The following MAP7 variants were observed in gnomAD, a reference collection of about 807,000 sequenced individuals.
MAP7 encodes the protein microtubule associated protein 7.
MAP7 carries 52 observed loss-of-function variants against 94.8 expected under a neutral mutation model. The observed-to-expected ratio is 0.55, with a 90% CI of 0.44 to 0.69. The LOEUF (loss-of-function observed/expected upper bound fraction) is 0.69. Among genes scored for constraint, MAP7 ranks in the 30% least tolerant of loss-of-function variants. The pLI, the probability that MAP7 is intolerant of heterozygous loss-of-function variation, is 0.00. For missense variants in MAP7, 940 were observed against 964.6 expected, an observed-to-expected ratio of 0.97 and a Z score of 0.34; for synonymous variants, 350 against 357.0, an observed-to-expected ratio of 0.98 and a Z score of 0.22.
chr6:136,389,233 A>G, intron 4 of MAP7, 121 bp downstream of exon 4: 1 of 1,428,098 alleles, frequency 7.0e-7, no homozygotes, highest in Non-Finnish European at 9.2e-7. Context: ...CCATCTGTAA[A>G]GCTGATCACT....
chr6:136,385,395 G>A (rs1778928489), intron 5 of MAP7, among the ~76,000 whole-genome samples: 1 of 152,182 alleles, frequency 6.6e-6, no homozygotes, highest in South Asian at 2.1e-4. Context: ...GACATGTGAG[G>A]TACAGGGTAG....
At chr6:136,493,315 G>T (rs1227235209) in intron 1 of MAP7, among the ~76,000 whole-genome samples, 7 of 152,084 alleles carry the variant, frequency 4.6e-5, no homozygotes, top group Non-Finnish European at 7.4e-5. Context: ...AAGAGACGGG[G>T]TTTCTCCATG....
At chr6:136,537,844 A>ATGGCACAATCT (rs1199274492) in intron 1 of MAP7, among the ~76,000 whole-genome samples, 3 of 151,482 alleles carry the variant, frequency 2.0e-5, no homozygotes, top group Non-Finnish European at 4.4e-5. Flanking sequence ...CTGGAGTGCA[A>ATGGCACAATCT]TGGCACAATC....
Position 136,362,721 on chromosome 6 carries a change from G to A in MAP7, c.1274-19C>T. The A allele has an allele frequency of 6.5e-7, 1 of 1,537,580 alleles. No homozygotes were observed. Among genetic ancestry groups the A allele is most frequent in the African/African-American group, 1.4e-5 (1 of 72,378 alleles). On this transcript the variant is annotated intron_variant, in intron 10 of 17. Transcript: ENST00000354570. ...GGAGCAGCTGCACAAATAGGTACAA[G>A]GAGAAAACCAGTTGGAAACAAAATC... is the stretch of plus-strand genomic sequence containing the variant.
intron 2 of MAP7, among the ~76,000 whole-genome samples, chr6:136,414,966 C>T (rs908306501): frequency 6.6e-6 from 1 of 151,824 alleles, no homozygotes; most frequent in African/African-American, 2.4e-5. Context: ...AGGCATGCGC[C>T]ACCAGGCCCA....
chr6:136,422,094 C>T (rs181259784), intron 1 of MAP7, among the ~76,000 whole-genome samples: 4 of 152,318 alleles, frequency 2.6e-5, no homozygotes, highest in East Asian at 3.9e-4. Flanking sequence ...CGTGGAAGCA[C>T]GACTGGAGTC....
chr6:136,388,489 G>T lies in MAP7; in HGVS notation c.430C>A (p.Arg144=). 1 of 1,613,986 alleles carries T rather than the reference G, an allele frequency of 6.2e-7. No homozygotes were observed. Among genetic ancestry groups the T allele is most frequent in the Non-Finnish European group, 8.5e-7 (1 of 1,179,924 alleles). The change falls in exon 5 of 18, where the codon CGG becomes AGG. Residue 144 remains arginine (R), a synonymous_variant. Transcript: ENST00000354570. ...TTCTGGCTCCTTTCCATTGTGCGCCGTACAACAGCTTCGTGGCGTTCCTTA... is the reference window on the plus strand; with the variant it reads ...TTCTGGCTCCTTTCCATTGTGCGCCTTACAACAGCTTCGTGGCGTTCCTTA... The part of the protein sequence containing the change: ...EDKERHEAVV[R]RTMERSQKPK...
At position 136,531,790 on chromosome 6, in the gene MAP7, C is replaced by T. The variant is rs1021940709; in HGVS notation, c.67+18552G>A. Among the ~76,000 whole-genome samples the T allele has an allele frequency of 1.4e-4, 22 of 152,070 alleles. 2 individuals are homozygous for T. The Middle Eastern group carries it at 0.01, about 71-fold the overall frequency. On this transcript the variant is annotated intron_variant, in intron 1 of 17. Coordinates refer to ENST00000354570, the MANE Select transcript of MAP7 (RefSeq NM_003980.6). The stretch of plus-strand genomic sequence containing the variant: ...TGAAAAACTTATCCATAGGCTTGAA[C>T]GTGAATACCAAGCTCCTGCAATAGT...
chr6:136,411,618 A>G lies in MAP7; in HGVS notation c.244+2T>C, dbSNP rs1227246054. On this transcript the variant is annotated splice_donor_variant, in intron 3 of 17. Transcript: ENST00000354570. LOFTEE classifies it high-confidence loss of function. ...GGGCCATGGACACGGGGCCTGGGGTACCTAGCTGTTTCTCCCGTTCCTCAC... is the reference window on the plus strand; with the variant it reads ...GGGCCATGGACACGGGGCCTGGGGTGCCTAGCTGTTTCTCCCGTTCCTCAC... 1 of 1,557,926 alleles carries G rather than the reference A, an allele frequency of 6.4e-7. No homozygotes were observed. Among genetic ancestry groups the G allele is most frequent in the East Asian group, 2.4e-5 (1 of 41,440 alleles).
intron 1 of MAP7, among the ~76,000 whole-genome samples, chr6:136,452,575 CAG>C (rs1801495250): frequency 6.6e-6 from 1 of 151,248 alleles, no homozygotes; most frequent in Admixed American, 6.6e-5. Flanking sequence ...TTTTTTGAGA[CAG>C]AGTCTTGCTC....
chr6:136,421,935 T>C, intron 1 of MAP7, 136 bp from the exon 2 acceptor site: 1 of 649,206 alleles, frequency 1.5e-6, no homozygotes, highest in Non-Finnish European at 2.6e-6. Context: ...AAAGATGAAG[T>C]AGTTACAACC....
intron 1 of MAP7, among the ~76,000 whole-genome samples, chr6:136,428,477 G>A (rs1013042236): frequency 1.3e-5 from 2 of 151,956 alleles, no homozygotes; most frequent in African/African-American, 4.8e-5. Context: ...CCGAGATCCC[G>A]CCACTGCACT....
At chr6:136,379,774 A>T (rs959432649) in intron 6 of MAP7, among the ~76,000 whole-genome samples, 18 of 152,248 alleles carry the variant, frequency 1.2e-4, no homozygotes, top group Admixed American at 1.1e-3. Flanking sequence ...GGCATCGACC[A>T]AAAAATTTAT....
chr6:136,397,867 G>A (rs977057943), intron 3 of MAP7, among the ~76,000 whole-genome samples: 1 of 152,172 alleles, frequency 6.6e-6, no homozygotes, highest in Non-Finnish European at 1.5e-5. Context: ...AGGCAGCTCC[G>A]TAAAAGAACA....
intron 4 of MAP7, among the ~76,000 whole-genome samples, chr6:136,388,926 C>T (rs201477855): frequency 1.3e-5 from 2 of 152,106 alleles, no homozygotes; most frequent in East Asian, 1.9e-4. Context: ...GTTGTATGAC[C>T]TTGTGTACCT....
intron 1 of MAP7, among the ~76,000 whole-genome samples, chr6:136,549,133 T>C (rs1323083071): frequency 1.3e-5 from 2 of 152,206 alleles, no homozygotes; most frequent in African/African-American, 4.8e-5. Context: ...CAATAGCAGA[T>C]ACATAATTTG....
intron 5 of MAP7, among the ~76,000 whole-genome samples, chr6:136,387,662 G>A (rs1056574685): frequency 6.6e-6 from 1 of 151,926 alleles, no homozygotes; most frequent in African/African-American, 2.4e-5. Flanking sequence ...GGTGGTCCAG[G>A]CCTGCTAAAT....
chr6:136,421,863 T>A, intron 1 of MAP7, 64 bp from the exon 2 acceptor site: 2 of 1,270,666 alleles, frequency 1.6e-6, no homozygotes, highest in South Asian at 1.4e-5. Context: ...CAGAAACATT[T>A]AAGTATTCGA....
intron 6 of MAP7, among the ~76,000 whole-genome samples, chr6:136,381,300 C>A (rs935381994): frequency 6.6e-6 from 1 of 151,976 alleles, no homozygotes; most frequent in Non-Finnish European, 1.5e-5. Context: ...CTGCCTCAGC[C>A]CCCGAGTAAC....
Sources: allele counts gnomAD v4.1 joint callset (sites outside exome capture counted in the v4.1 genomes callset), GRCh38; gene constraint gnomAD v4.1.1; transcripts MANE v1.5; gene names NCBI Gene and HGNC (gene_info 2026-07-23, HGNC 2026-07-21).